The following HSPA8 variants were observed in gnomAD, a reference collection of about 807,000 sequenced individuals.
HSPA8 encodes the protein heat shock cognate 71 kDa protein.
HSPA8 carries 2 observed loss-of-function variants against 52.8 expected under a neutral mutation model. The ratio of observed to expected loss-of-function variants is 0.04; its 90% confidence interval spans 0.02 to 0.12. The LOEUF (loss-of-function observed/expected upper bound fraction) is 0.12, where lower values mean the gene tolerates loss of function less well. HSPA8 is among the 10% of genes least tolerant of loss of function. The pLI, the probability that HSPA8 is intolerant of heterozygous loss-of-function variation, is 1.00. For missense variants in HSPA8, 349 were observed against 800.5 expected (o/e 0.44, Z 6.81); for synonymous variants, 436 against 274.0 (o/e 1.59, Z -5.84).
rs1865490134 is a variant in HSPA8, at chr11:123,061,286, G to A, written c.39C>T (p.Thr13=). Residue 13 remains threonine, a synonymous_variant, in exon 2 of 9, where the codon ACC becomes ACT. Transcript: ENST00000534624. ...KGPAVGIDLG[T]TYSCVGVFQH... is the part of the protein sequence containing the mutation. ...GGAAAACACCCACACAAGAGTAGGT[G>A]GTGCCAAGATCAATACCAACTGCAG... is the stretch of plus-strand genomic sequence containing the variant. 1.9e-6 allele frequency: 3 copies of A among 1,613,840 alleles called. No individual in the cohort carries two copies. The highest frequency in any genetic ancestry group is 1.7e-5 in the Admixed American group (1 of 60,008).
At chr11:123,058,568 G>C in intron 7 of HSPA8, 64 bp downstream of exon 7, 3 of 1,571,724 alleles carry the variant, frequency 1.9e-6, no homozygotes, top group Non-Finnish European at 2.6e-6. Context: ...GACGCCCTTA[G>C]GCACCAGTAA....
rs538018718 is a variant in HSPA8, at chr11:123,059,720, G to A, written c.873C>T (p.Ile291=). 4.5e-5 allele frequency: 72 copies of A among 1,613,874 alleles called. No individual in the cohort carries two copies. Among genetic ancestry groups the A allele is most frequent in the Non-Finnish European group, 5.4e-5 (64 of 1,179,838 alleles). Residue 291 remains isoleucine (I), a synonymous_variant, in exon 5 of 9, where the codon ATC becomes ATT. Coordinates refer to ENST00000534624, the MANE Select transcript of HSPA8 (RefSeq NM_006597.6). The part of the protein sequence containing the change: ...SIEIDSLYEG[I]DFYTSITRAR... ...CACGGGTAATGGAGGTATAGAAGTC[G>A]ATTCCTTCATAGAGAGAATCGATCT...
At position 123,060,707 on chromosome 11, in the gene HSPA8, G is replaced by T. The variant is rs201223120; in HGVS notation, c.297C>A (p.Gly99=). The T allele has an allele frequency of 5.0e-6, 8 of 1,613,672 alleles. No individual in the cohort carries two copies. In the East Asian group the frequency reaches 8.9e-5, roughly 18 times the overall value. ...TGTATTCTACTTGGACCTTGGGCCT[G>T]CCAGCATCATTCACCACCATAAAGG... ...HWPFMVVNDA[G]RPKVQVEYKG... The change falls in exon 3 of 9, where the codon GGC becomes GGA. Residue 99 remains glycine, a synonymous_variant. Transcript: ENST00000534624.
intron 3 of HSPA8, 33 bp downstream of exon 3, chr11:123,060,560 G>T: frequency 2.0e-6 from 3 of 1,510,802 alleles, no homozygotes; most frequent in South Asian, 2.3e-5. Context: ...TAACTACTCC[G>T]GAATGCACCC....
intron 2 of HSPA8, 26 bp from the exon 3 acceptor site, chr11:123,060,824 C>A: frequency 6.9e-7 from 1 of 1,457,582 alleles, no homozygotes; most frequent in Non-Finnish European, 9.5e-7. Flanking sequence ...AATGAAAACA[C>A]TTTCAATTTC....
rs551131709 is a variant in HSPA8, at chr11:123,059,732, G to T, written c.861C>A (p.Leu287=). The stretch of plus-strand genomic sequence containing the variant: ...AGGTATAGAAGTCGATTCCTTCATA[G>T]AGAGAATCGATCTCAATACTGGCCT... ...STQASIEIDS[L]YEGIDFYTSI... is the part of the protein sequence containing the mutation. Residue 287 remains leucine (L), a synonymous_variant, in exon 5 of 9, where the codon CTC becomes CTA. Coordinates refer to ENST00000534624, the MANE Select transcript of HSPA8 (RefSeq NM_006597.6). 1 of 1,613,928 alleles carries T rather than the reference G, an allele frequency of 6.2e-7. No individual in the cohort carries two copies. Among genetic ancestry groups the T allele is most frequent in the South Asian group, 1.1e-5 (1 of 91,062 alleles).
Position 123,057,661 on chromosome 11 carries a change from G to T in HSPA8, c.*73C>A, listed in dbSNP as rs1347768911. The T allele has an allele frequency of 3.9e-6, 5 of 1,281,272 alleles. No homozygotes were observed. Among genetic ancestry groups the T allele is most frequent in the Non-Finnish European group, 4.3e-6 (4 of 925,384 alleles). The allele number at this position is 1,281,272 out of a possible 1,614,324, so 79.4% of individuals were successfully genotyped here. ...AGCTTAACTTTTTAAAACTGCCACA[G>T]AATTTGCTACGAATTTAGGTCCTTC... is the stretch of plus-strand genomic sequence containing the variant. On this transcript the variant is annotated 3_prime_UTR_variant, in exon 9 of 9. Transcript: ENST00000534624.
rs1865490018 is a variant in HSPA8, at chr11:123,061,274, A to G, written c.51T>C (p.Cys17=). The G allele has an allele frequency of 1.2e-6, 2 of 1,613,850 alleles. No individual in the cohort carries two copies. Among genetic ancestry groups the G allele is most frequent in the Admixed American group, 1.7e-5 (1 of 60,006 alleles). ...VGIDLGTTYS[C]VGVFQHGKVE... ...CTTTTCCGTGCTGGAAAACACCCAC[A>G]CAAGAGTAGGTGGTGCCAAGATCAA... Residue 17 remains cysteine, a synonymous_variant, in exon 2 of 9, where the codon TGT becomes TGC. Transcript: ENST00000534624.
chr11:123,061,590 C>T (rs771884373), intron 1 of HSPA8: 3 of 517,170 alleles, frequency 5.8e-6, no homozygotes, highest in East Asian at 3.5e-5. Context: ...GGTCTTACCC[C>T]GAACTGAGCA....
At chr11:123,061,404 A>G (rs1865495735) in intron 1 of HSPA8, 75 bp from the exon 2 acceptor site, 7 of 1,161,028 alleles carry the variant, frequency 6.0e-6, no homozygotes, top group Non-Finnish European at 8.8e-6. Context: ...AGAACACTTA[A>G]CCAGGAAAAA....
In HSPA8 at chr11:123,060,739, G is replaced by A; in HGVS notation, c.265C>T (p.His89Tyr). The change falls in exon 3 of 9, where the codon CAT (histidine) becomes TAT (tyrosine). Residue 89 changes from histidine (H) to tyrosine (Y), a missense_variant. His to Tyr is a moderately conservative substitution (Grantham distance 83). Coordinates refer to ENST00000534624, the MANE Select transcript of HSPA8 (RefSeq NM_006597.6). ...TCATTCACCACCATAAAGGGCCAAT[G>A]TTTCATATCAGACTGGACAACAGCA... Reference protein sequence around the residue: ...DDAVVQSDMKHWPFMVVNDAG... With the variant: ...DDAVVQSDMKYWPFMVVNDAG... The A allele has an allele frequency of 6.2e-7, 1 of 1,614,042 alleles. No homozygotes were observed. Among genetic ancestry groups the A allele is most frequent in the Non-Finnish European group, 8.5e-7 (1 of 1,180,016 alleles).
intron 6 of HSPA8, 44 bp downstream of exon 6, chr11:123,059,015 T>TA: frequency 6.5e-7 from 1 of 1,542,480 alleles, no homozygotes; most frequent in Non-Finnish European, 9.0e-7. Flanking sequence ...GACTTCCCTT[T>TA]ATCTGTTATC....
chr11:123,060,446 G>C (rs56828988), intron 3 of HSPA8, 147 bp downstream of exon 3: 1 of 887,522 alleles, frequency 1.1e-6, no homozygotes, highest in African/African-American at 1.7e-5. Context: ...CATCTACCTA[G>C]AGAGCCTAGG....
chr11:123,059,448 G>A lies in HSPA8; in HGVS notation c.1120+25C>T, dbSNP rs754159085. On this transcript the variant is annotated intron_variant, in intron 5 of 8. Coordinates refer to ENST00000534624, the MANE Select transcript of HSPA8 (RefSeq NM_006597.6). Reference sequence around the variant, plus strand: ...GTCACCTTGGGCCTGCCTGCCTTTAGGGTTAATTGAGATACCATTGTTACC... The same window carrying A: ...GTCACCTTGGGCCTGCCTGCCTTTAAGGTTAATTGAGATACCATTGTTACC... 8 of 1,589,356 alleles carry A rather than the reference G, an allele frequency of 5.0e-6. 1 individual carries two copies. In the South Asian group the frequency reaches 6.7e-5, roughly 13 times the overall value.
intron 3 of HSPA8, 61 bp downstream of exon 3, chr11:123,060,532 C>G (rs572043968): frequency 9.4e-6 from 12 of 1,273,288 alleles, no homozygotes; most frequent in Admixed American, 8.6e-5. Context: ...CCAGTGCCCC[C>G]GGGAGTCATC....
chr11:123,059,102 G>A lies in HSPA8; in HGVS notation c.1280C>T (p.Thr427Ile), dbSNP rs763663403. ...NTTIPTKQTQTFTTYSDNQPG... is the reference protein window; with the variant it reads ...NTTIPTKQTQIFTTYSDNQPG... ...CTGGTTGTCAGAATAGGTAGTGAAG[G>A]TCTGTGTCTGCTTGGTAGGAATGGT... is the stretch of plus-strand genomic sequence containing the variant. The change falls in exon 6 of 9, where the codon ACC (threonine) becomes ATC (isoleucine). Residue 427 changes from threonine (T) to isoleucine (I), a missense_variant. Physicochemically the swap from Thr to Ile is moderately conservative, Grantham distance 89. Transcript: ENST00000534624. 3.1e-6 allele frequency: 5 copies of A among 1,612,394 alleles called. No homozygotes were observed. The highest frequency in any genetic ancestry group is 1.3e-5 in the African/African-American group (1 of 74,994).
In HSPA8 at chr11:123,057,619, C is replaced by T. The variant is rs1447127950; in HGVS notation, c.*115G>A. 10 of 712,104 alleles carry T rather than the reference C, an allele frequency of 1.4e-5. No homozygotes were observed. The highest frequency in any genetic ancestry group is 2.3e-5 in the Non-Finnish European group (10 of 429,868). The allele number at this position is 712,104 out of a possible 1,614,324, so 44.1% of individuals were successfully genotyped here. ...TCCATATTCAAGTATTGAGAATGCC[C>T]AGTAACTTACTATAGCAGCTTAACT... On this transcript the variant is annotated 3_prime_UTR_variant, in exon 9 of 9. Transcript: ENST00000534624.
chr11:123,058,529 G>GT lies in HSPA8; in HGVS notation c.1523-46dup, dbSNP rs575956745. 6.4e-5 allele frequency: 101 copies of GT among 1,587,808 alleles called. No homozygotes were observed. The East Asian group carries it at 2.0e-3, about 31-fold the overall frequency. On this transcript the variant is annotated intron_variant, in intron 7 of 8. Transcript: ENST00000534624. ...TAAGTAAAAGCCTTAAATTACCTGT[G>GT]TATGTGTAACTCTAGTTTCTCTTAG...
At chr11:123,058,223 GAGGA>G in intron 8 of HSPA8, 25 bp downstream of exon 8, 1 of 1,159,284 alleles carries the variant, frequency 8.6e-7, no homozygotes, top group African/African-American at 2.4e-5. Context: ...TTGAGTGGGG[GAGGA>G]AAAAAAAAAA....
Sources: gnomAD v4.1 joint callset for allele counts on GRCh38, gnomAD v4.1.1 for gene constraint, MANE v1.5 for transcripts, NCBI Gene and HGNC (gene_info 2026-07-23, HGNC 2026-07-21) for gene names.